The following MYBPC3 variants were observed in gnomAD, a reference collection of about 807,000 sequenced individuals.
MYBPC3 encodes myosin binding protein C3.
In MYBPC3, 108 loss-of-function variants were observed where a neutral mutation model predicts 159.3. That is an observed-to-expected ratio of 0.68 (90% CI 0.58 to 0.80). MYBPC3 has a LOEUF of 0.80. MYBPC3 is among the 30% of genes least tolerant of loss of function. The pLI, the probability that MYBPC3 is intolerant of heterozygous loss-of-function variation, is 0.00. For missense variants in MYBPC3, 1,631 were observed against 1,762.1 expected (o/e 0.93, Z 1.33); for synonymous variants, 730 against 702.0 (o/e 1.04, Z -0.63).
In MYBPC3 at chr11:47,333,922, C is replaced by T. The variant is rs1555120639; in HGVS notation, c.2994G>A (p.Gln998=). Residue 998 remains glutamine, a splice_region_variant and synonymous_variant, in exon 28 of 35, where the codon CAG becomes CAA. Transcript: ENST00000545968. ...GEPVNLLIPF[Q]GKPRPQVTWT... ...GGACAGGGAAGGGGGCCAGTCCCAC[C>T]TGGAAAGGGATGAGAAGGTTCACAG... The T allele has an allele frequency of 1.3e-6, 2 of 1,570,344 alleles. No homozygotes were observed. The highest frequency in any genetic ancestry group is 1.9e-5 in the Admixed American group (1 of 53,136).
rs1025692267 is a variant in MYBPC3 at position 47,343,342 on chromosome 11, C to T, written c.1224-80G>A. ...GACAAAAGGAGAGAGAGAGAGGGAC[C>T]GGCAGGAGCAAAAGGATGGGAAATT... is the stretch of plus-strand genomic sequence containing the variant. On this transcript the variant is annotated intron_variant, in intron 13 of 34. Transcript: ENST00000545968. 2.0e-5 allele frequency: 30 copies of T among 1,496,004 alleles called. No homozygotes were observed. Among genetic ancestry groups the T allele is most frequent in the African/African-American group, 1.1e-4 (8 of 71,850 alleles). The allele number at this position is 1,496,004 out of a possible 1,614,324, so 92.7% of individuals were successfully genotyped here.
chr11:47,340,146 TACAC>T (rs1348595989), intron 20 of MYBPC3, among the ~76,000 whole-genome samples: 7 of 151,148 alleles, frequency 4.6e-5, no homozygotes, highest in Non-Finnish European at 7.4e-5. Context: ...CATATACACA[TACAC>T]ACAGACACAC....
At chr11:47,340,907 G>T (rs1207870763) in intron 20 of MYBPC3, 96 bp downstream of exon 20, 4 of 1,352,838 alleles carry the variant, frequency 3.0e-6, no homozygotes, top group African/African-American at 1.5e-5. Context: ...CCCCACTTTT[G>T]ATCCTTGCTC....
intron 2 of MYBPC3, among the ~76,000 whole-genome samples, chr11:47,350,950 C>T (rs1472376539): frequency 1.3e-5 from 2 of 152,134 alleles, no homozygotes; most frequent in East Asian, 1.9e-4. Flanking sequence ...GCTTCCCGGC[C>T]GTCTGTGCAG....
chr11:47,343,228 C>T (rs764761565), intron 14 of MYBPC3, 32 bp downstream of exon 14: 28 of 1,575,476 alleles, frequency 1.8e-5, no homozygotes, highest in Non-Finnish European at 2.4e-5. Context: ...TCCCTGTGCC[C>T]CCCACCCCAA....
chr11:47,334,139 G>T, intron 27 of MYBPC3, 129 bp from the exon 28 acceptor site: 2 of 841,410 alleles, frequency 2.4e-6, no homozygotes, highest in Non-Finnish European at 3.7e-6. Context: ...TGGGCCCTGC[G>T]CCTCCTTTAG....
At chr11:47,337,602 T>C in intron 24 of MYBPC3, 23 bp from the exon 25 acceptor site, 2 of 1,613,838 alleles carry the variant, frequency 1.2e-6, no homozygotes, top group South Asian at 1.1e-5. Flanking sequence ...AGGTGGCAGC[T>C]CTGGTCTGGA....
In MYBPC3 at chr11:47,349,766, G is replaced by T. The variant is rs374066550; in HGVS notation, c.654+8C>A. 1 of 1,602,270 alleles carries T rather than the reference G, an allele frequency of 6.2e-7. No individual in the cohort carries two copies. Among genetic ancestry groups the T allele is most frequent in the Non-Finnish European group, 8.5e-7 (1 of 1,179,414 alleles). ...CTCTCCGTGTCTCCACGACCCCGGT[G>T]GACCCACCTTGCTGGCGCGGTCGTA... On this transcript the variant is annotated splice_region_variant and intron_variant, in intron 5 of 34. Transcript: ENST00000545968.
rs2095878108 is a variant in MYBPC3 at position 47,332,451 on chromosome 11, A to T, written c.3627+115T>A. On this transcript the variant is annotated intron_variant, in intron 32 of 34. Coordinates refer to ENST00000545968, the MANE Select transcript of MYBPC3 (RefSeq NM_000256.3). The surrounding 1 kb of genome is among the most constrained non-coding windows in gnomAD (Gnocchi z 4.2). ...GCCCAGGGGGAGGAACCCGGTCCAT[A>T]CACCCCAAGGTGGAGAGAAAGCAGG... 2 of 1,497,090 alleles carry T rather than the reference A, an allele frequency of 1.3e-6. No individual in the cohort carries two copies. Among genetic ancestry groups the T allele is most frequent in the African/African-American group, 2.8e-5 (2 of 71,980 alleles). The allele number at this position is 1,497,090 out of a possible 1,614,324, so 92.7% of individuals were successfully genotyped here. A position where few individuals can be genotyped will look rare whatever the true frequency, so the allele number is the denominator to read the frequency against.
chr11:47,335,788 T>TA, intron 26 of MYBPC3, 89 bp downstream of exon 26: 1 of 1,214,624 alleles, frequency 8.2e-7, no homozygotes, highest in East Asian at 3.1e-5. Flanking sequence ...AAAGTGGGCC[T>TA]AAAAAACTTG....
At chr11:47,337,238 C>T (rs1266644398) in intron 25 of MYBPC3, among the ~76,000 whole-genome samples, 153 bp downstream of exon 25, 2 of 151,996 alleles carry the variant, frequency 1.3e-5, no homozygotes, top group Non-Finnish European at 2.9e-5. Flanking sequence ...CCTGTTTCCT[C>T]ATCTGTAAAA....
In MYBPC3 at chr11:47,339,480, C is replaced by T. The variant is rs1372992941; in HGVS notation, c.2068-76G>A. 3.3e-6 allele frequency: 5 copies of T among 1,537,304 alleles called. No homozygotes were observed. The East Asian group carries it at 1.1e-4, about 35-fold the overall frequency. On this transcript the variant is annotated intron_variant, in intron 21 of 34. Coordinates refer to ENST00000545968, the MANE Select transcript of MYBPC3 (RefSeq NM_000256.3). ...GGAAGCGCCCCTCTGCTGCTTCTTC[C>T]ACCCCCTGACCCACACTGCCCACCT...
Position 47,332,452 on chromosome 11 carries a change from C to T in MYBPC3, c.3627+114G>A, listed in dbSNP as rs1019233439. 25 of 1,499,200 alleles carry T rather than the reference C, an allele frequency of 1.7e-5. No individual in the cohort carries two copies. The highest frequency in any genetic ancestry group is 2.2e-5 in the Non-Finnish European group (25 of 1,112,244). The allele number at this position is 1,499,200 out of a possible 1,614,324, so 92.9% of individuals were successfully genotyped here. A position where few individuals can be genotyped will look rare whatever the true frequency, so the allele number is the denominator to read the frequency against. ...CCCAGGGGGAGGAACCCGGTCCATA[C>T]ACCCCAAGGTGGAGAGAAAGCAGGG... On this transcript the variant is annotated intron_variant, in intron 32 of 34. Transcript: ENST00000545968. This position sits in a 1 kb window ranked among gnomAD's most constrained non-coding sequence, Gnocchi z 4.2.
In MYBPC3 at chr11:47,352,328, G is replaced by A. The variant is rs575690023; in HGVS notation, c.25+295C>T. 4.1e-4 allele frequency among the ~76,000 whole-genome samples: 63 copies of A among 152,260 alleles called. 1 individual carries two copies. Among genetic ancestry groups the A allele is most frequent in the African/African-American group, 1.4e-3 (59 of 41,544 alleles). ...TTGCTGTGGAAGGTGAAGGCAATGG[G>A]ACAGGGAAGGGGTCCCTTTGCATTC... On this transcript the variant is annotated intron_variant, in intron 1 of 34. Transcript: ENST00000545968.
intron 12 of MYBPC3, among the ~76,000 whole-genome samples, chr11:47,345,821 C>T (rs1404142315): frequency 2.6e-5 from 4 of 152,116 alleles, no homozygotes; most frequent in South Asian, 4.1e-4. Flanking sequence ...GAGGGTTAAC[C>T]GGGCTTCATT....
chr11:47,346,643 T>C lies in MYBPC3; in HGVS notation c.910A>G (p.Ser304Gly). 6.3e-7 allele frequency: 1 copy of C among 1,580,756 alleles called. No homozygotes were observed. The highest frequency in any genetic ancestry group is 8.6e-7 in the Non-Finnish European group (1 of 1,162,608). The change falls in exon 11 of 35, where the codon AGT becomes GGT. Residue 304 changes from serine (S) to glycine (G), a missense_variant and splice_region_variant. By Grantham distance (56) the Ser-to-Gly change is moderately conservative. Transcript: ENST00000545968. This position sits in a 1 kb window ranked among gnomAD's most constrained non-coding sequence, Gnocchi z 5.3. ...GGCACTCACCTCGGGGTCCGGAAAC[T>C]GCTGCTCCAGGGGTGGGGGTGGGAG... Reference protein sequence around the residue: ...DFSSLLKKRDSFRTPRDSKLE... With the variant: ...DFSSLLKKRDGFRTPRDSKLE...
chr11:47,333,899 A>T, intron 28 of MYBPC3, 23 bp downstream of exon 28: 2 of 1,560,082 alleles, frequency 1.3e-6, no homozygotes, highest in South Asian at 1.2e-5. Flanking sequence ...CCCCTGGGGG[A>T]CAGGGAAGGG....
In MYBPC3 at chr11:47,348,908, T is replaced by TTA. The variant is rs58411933; in HGVS notation, c.655-369_655-368dup. Among the ~76,000 whole-genome samples, 64 of 39,876 alleles carry TTA rather than the reference T, an allele frequency of 1.6e-3. 7 individuals are homozygous for TTA. Among genetic ancestry groups the TTA allele is most frequent in the African/African-American group, 3.4e-3 (45 of 13,162 alleles). The allele number at this position is 39,876 out of a possible 152,430, so 26.2% of individuals were successfully genotyped here. On this transcript the variant is annotated intron_variant, in intron 5 of 34. Coordinates refer to ENST00000545968, the MANE Select transcript of MYBPC3 (RefSeq NM_000256.3). ...CGACAGAGCGAGACCCTGTCTCAAA[T>TTA]TATATATATATATATATATTTAAAG...
In MYBPC3 at chr11:47,341,996, G is replaced by T. The variant is rs572227730; in HGVS notation, c.1785C>A (p.Ile595=). ...CACCTGCCCTGCACACTCACCGCCC[G>T]ATGTGGGACACCTTTATGCGGCTGT... ...VPDSRIKVSH[I]GRVHKLTIDD... is the part of the protein sequence containing the mutation. The change falls in exon 18 of 35, where the codon ATC becomes ATA. Residue 595 remains isoleucine (I), a synonymous_variant. Coordinates refer to ENST00000545968, the MANE Select transcript of MYBPC3 (RefSeq NM_000256.3). 1 of 1,563,588 alleles carries T rather than the reference G, an allele frequency of 6.4e-7. No homozygotes were observed. Among genetic ancestry groups the T allele is most frequent in the Non-Finnish European group, 8.7e-7 (1 of 1,153,252 alleles).
Sources: gnomAD v4.1 joint callset for allele counts (sites outside exome capture counted in the v4.1 genomes callset) on GRCh38, gnomAD v4.1.1 for gene constraint, Gnocchi (gnomAD v3.1) non-coding constraint, MANE v1.5 for transcripts, NCBI Gene and HGNC (gene_info 2026-07-23, HGNC 2026-07-21) for gene names.